Variants in IRAG2 observed in about 807,000 individuals in gnomAD.
IRAG2 encodes lymphoid restricted membrane protein.
In IRAG2, 45 loss-of-function variants were observed where a neutral mutation model predicts 69.9. That is an observed-to-expected ratio of 0.64 (90% confidence interval 0.51 to 0.83). IRAG2 has a LOEUF of 0.83. IRAG2 is among the 40% of genes least tolerant of loss of function. IRAG2 has a pLI of 0.00. For missense variants in IRAG2, 520 were observed against 587.0 expected (o/e 0.89, Z 1.18); for synonymous variants, 193 against 202.4 (o/e 0.95, Z 0.40).
chr12:25,004,898 T>A lies in IRAG2; in HGVS notation c.557T>A (p.Leu186Ter). The A allele has an allele frequency of 8.1e-7, 1 of 1,231,298 alleles. No homozygotes were observed. Among genetic ancestry groups the A allele is most frequent in the Non-Finnish European group, 1.0e-6 (1 of 987,422 alleles). 76.3% of individuals were successfully genotyped at this position (1,231,298 alleles called of 1,614,324 possible). ...CCTCAGGATTCAGTGGTAAAAAAAT[T>A]ATCTCTGAATGAAGATGGTAAATAT... The change falls in exon 1 of 39, where the codon TTA becomes TAA. Residue 186 changes from leucine to a stop codon, truncating the protein, a stop_gained. Transcript: ENST00000636465. LOFTEE classifies it high-confidence loss of function.
At chr12:25,019,259 G>A (rs1822747214) in intron 6 of IRAG2, among the ~76,000 whole-genome samples, 1 of 152,306 alleles carries the variant, frequency 6.6e-6, no homozygotes, top group African/African-American at 2.4e-5. Context: ...AGTTAAACTA[G>A]CTCAGTGGAG....
intron 16 of IRAG2, among the ~76,000 whole-genome samples, chr12:25,039,814 T>C (rs1944733269): frequency 6.6e-6 from 1 of 152,202 alleles, no homozygotes; most frequent in African/African-American, 2.4e-5. Context: ...TTCTGTATTG[T>C]CCTACTTAGA....
At chr12:25,107,720 T>C (rs903542728) in intron 21 of IRAG2, 97 bp from the exon 22 acceptor site, 5 of 1,180,312 alleles carry the variant, frequency 4.2e-6, no homozygotes, top group Non-Finnish European at 6.1e-6. Flanking sequence ...GTTTTGGGGG[T>C]ATGAAGGGCA....
chr12:25,100,020 A>AAAAAAAAAAAAAAAAAAAAAAC (rs1565588270), intron 15 of IRAG2, among the ~76,000 whole-genome samples: 1 of 150,290 alleles, frequency 6.7e-6, no homozygotes, highest in Non-Finnish European at 1.5e-5. Context: ...AAAAAAAAAA[A>AAAAAAAAAAAAAAAAAAAAAAC]AAAAATGGGC....
intron 2 of IRAG2, among the ~76,000 whole-genome samples, chr12:25,009,690 C>T (rs1944459790): frequency 1.3e-5 from 2 of 152,156 alleles, no homozygotes; most frequent in Admixed American, 6.6e-5. Context: ...CAGTTTGGTC[C>T]CATTCCAAGT....
chr12:25,027,653 C>T (rs372670717), intron 9 of IRAG2, among the ~76,000 whole-genome samples: 92 of 152,132 alleles, frequency 6.0e-4, no homozygotes, highest in African/African-American at 2.1e-3. Context: ...CTCGGCCTCC[C>T]AAAGTGCTGG....
chr12:24,998,814 C>G, the IRAG2 span, among the ~76,000 whole-genome samples: 1 of 152,074 alleles, frequency 6.6e-6, no homozygotes, highest in African/African-American at 2.4e-5. Context: ...ATCAGCCTGC[C>G]TGATCTAAGG....
intron 9 of IRAG2, among the ~76,000 whole-genome samples, chr12:25,082,243 C>T (rs1947264916): frequency 6.6e-6 from 1 of 152,086 alleles, no homozygotes; most frequent in South Asian, 2.1e-4. Context: ...CACTGTAAAA[C>T]ATTTTTACGC....
At chr12:25,027,478 T>C (rs889460879) in intron 9 of IRAG2, among the ~76,000 whole-genome samples, 8 of 151,196 alleles carry the variant, frequency 5.3e-5, no homozygotes, top group African/African-American at 1.7e-4. Flanking sequence ...CACTGCAAGC[T>C]CTGCCTTCCG....
chr12:25,004,246 C>T (rs2139812712), upstream of IRAG2: 2 of 916,450 alleles, frequency 2.2e-6, no homozygotes, highest in Non-Finnish European at 2.9e-6. Flanking sequence ...TTGCCTATTG[C>T]TAAATTATTG....
intron 14 of IRAG2, chr12:25,093,789 G>A (rs1289693532): frequency 2.6e-5 from 4 of 154,554 alleles, no homozygotes; most frequent in African/African-American, 4.8e-5. Context: ...ACATTGGTAG[G>A]CTTGCACTTT....
upstream of IRAG2, among the ~76,000 whole-genome samples, chr12:25,003,921 G>T (rs1213471312): frequency 6.6e-6 from 1 of 152,192 alleles, no homozygotes; most frequent in Non-Finnish European, 1.5e-5. Flanking sequence ...AAAAAGCAAT[G>T]TGGTTATCTA....
At chr12:25,017,104 G>T in intron 5 of IRAG2, 1 of 1,226,494 alleles carries the variant, frequency 8.2e-7, no homozygotes, top group South Asian at 4.1e-5. Flanking sequence ...GTGATGTGAA[G>T]GTTATTCTCA....
At chr12:25,050,309 T>C (rs1224514641), upstream of IRAG2, among the ~76,000 whole-genome samples, 1 of 151,664 alleles carries the variant, frequency 6.6e-6, no homozygotes, top group Non-Finnish European at 1.5e-5. Flanking sequence ...GACAGGCGGA[T>C]CTCGAGGTCA....
intron 14 of IRAG2, among the ~76,000 whole-genome samples, chr12:25,092,461 A>G (rs2140182749): frequency 6.7e-6 from 1 of 148,756 alleles, no homozygotes; most frequent in East Asian, 2.0e-4. Context: ...GCTACTTGGG[A>G]GGCTGAGGCA....
chr12:25,086,092 AT>A (rs1460284107), intron 10 of IRAG2, among the ~76,000 whole-genome samples: 2 of 152,346 alleles, frequency 1.3e-5, no homozygotes, highest in Admixed American at 1.3e-4. Context: ...CTCAAAAAAA[AT>A]ATAGACATAA....
chr12:25,067,185 G>T (rs903196378), intron 5 of IRAG2, among the ~76,000 whole-genome samples: 1 of 151,980 alleles, frequency 6.6e-6, no homozygotes, highest in Non-Finnish European at 1.5e-5. Flanking sequence ...ACCTGTCCTT[G>T]TCCCTGCACC....
chr12:25,047,384 T>G (rs146749681), upstream of IRAG2, among the ~76,000 whole-genome samples: 1,645 of 152,284 alleles, frequency 0.011, 25 homozygotes, highest in African/African-American at 0.038. Context: ...AGACAACCTA[T>G]GGAATGGGAG....
intron 16 of IRAG2, among the ~76,000 whole-genome samples, chr12:25,041,915 T>C (rs1944753573): frequency 6.6e-6 from 1 of 151,628 alleles, no homozygotes; most frequent in Admixed American, 6.6e-5. Context: ...GCATTACATA[T>C]AGTAAGAATA....
Sources: gnomAD v4.1 joint callset for allele counts (sites outside exome capture counted in the v4.1 genomes callset) on GRCh38, gnomAD v4.1.1 for gene constraint, MANE v1.5 for transcripts, NCBI Gene and HGNC (gene_info 2026-07-23, HGNC 2026-07-21) for gene names.